The following OGDH variants were observed in gnomAD, a reference collection of about 807,000 sequenced individuals.
The protein encoded by OGDH is oxoglutarate dehydrogenase.
In OGDH, 38 loss-of-function variants were observed where a neutral mutation model predicts 116.6. The ratio of observed to expected loss-of-function variants is 0.33; its 90% CI spans 0.25 to 0.43. The LOEUF is 0.43. Ranked by LOEUF, OGDH falls within the 20% of genes least tolerant of loss-of-function variation. OGDH has a pLI of 1.00. For missense variants in OGDH, 825 were observed against 1,357.2 expected (o/e 0.61, Z 6.16); for synonymous variants, 488 against 533.3 (o/e 0.92, Z 1.17).
chr7:44,680,398 C>CA (rs1787878074), intron 9 of OGDH, among the ~76,000 whole-genome samples: 1 of 151,958 alleles, frequency 6.6e-6, no homozygotes, highest in South Asian at 2.1e-4. Flanking sequence ...GGACACTGAG[C>CA]AAATGAGTAA....
At chr7:44,693,174 G>GACACA (rs1788434715) in intron 10 of OGDH, among the ~76,000 whole-genome samples, 1 of 152,166 alleles carries the variant, frequency 6.6e-6, no homozygotes, top group African/African-American at 2.4e-5. Flanking sequence ...CAGGCATGGT[G>GACACA]GTGCGTGCCT....
In OGDH at chr7:44,678,828, T is replaced by C. The variant is rs574524125; in HGVS notation, c.1206+2679T>C. 7.9e-5 allele frequency among the ~76,000 whole-genome samples: 12 copies of C among 152,214 alleles called. No individual in the cohort carries two copies. The East Asian group carries it at 2.3e-3, about 29-fold the overall frequency. On this transcript the variant is annotated intron_variant, in intron 9 of 22. Transcript: ENST00000222673. ...AATCCAGAAACTCAGGGAGCTGGAG[T>C]GTGTGTTATGTAACTCTCAGCATTT...
Position 44,694,564 on chromosome 7 carries a change from G to A in OGDH, c.1656G>A (p.Gln552=), listed in dbSNP as rs776853692. Residue 552 remains glutamine, a synonymous_variant, in exon 12 of 23, where the codon CAG becomes CAA. Transcript: ENST00000222673. The surrounding 1 kb of genome is among the most constrained non-coding windows in gnomAD (Gnocchi z 4.2). ...TGGTGTCGCAGGGTGTGGTCAACCA[G>A]CCTGAGTATGAGGTACGTCCCTGCG... The part of the protein sequence containing the change: ...ELLVSQGVVN[Q]PEYEEEISKY... The A allele has an allele frequency of 6.2e-7, 1 of 1,614,160 alleles. No individual in the cohort carries two copies. The highest frequency in any genetic ancestry group is 1.1e-5 in the South Asian group (1 of 91,084).
chr7:44,662,459 C>G (rs971269767), intron 4 of OGDH, among the ~76,000 whole-genome samples: 4 of 143,184 alleles, frequency 2.8e-5, no homozygotes, highest in Non-Finnish European at 6.0e-5. Flanking sequence ...CTTTTCTTTT[C>G]TTTTCTTTTT....
chr7:44,649,600 G>T (rs1044735026), intron 4 of OGDH, among the ~76,000 whole-genome samples: 1 of 152,094 alleles, frequency 6.6e-6, no homozygotes, highest in Non-Finnish European at 1.5e-5. Context: ...TCCAGAACCT[G>T]CATTGTCCCA....
At chr7:44,612,104 T>TG (rs1164574290) in intron 1 of OGDH, among the ~76,000 whole-genome samples, 1 of 152,142 alleles carries the variant, frequency 6.6e-6, no homozygotes, top group African/African-American at 2.4e-5. Context: ...TTGGTTTTTG[T>TG]GGGGGGTTTT....
chr7:44,606,897 G>T lies in OGDH; in HGVS notation c.-28+244G>T, dbSNP rs555674021. On this transcript the variant is annotated intron_variant, in intron 1 of 22. Coordinates refer to ENST00000222673, the MANE Select transcript of OGDH (RefSeq NM_002541.4). ...CCTGCCCGGCGGGCGGAGATTGGCG[G>T]GTACGGGCGGGCTCCGAGGTCGCGC... 9.2e-5 allele frequency among the ~76,000 whole-genome samples: 14 copies of T among 152,182 alleles called. No homozygotes were observed. In the South Asian group the frequency reaches 2.7e-3, roughly 29 times the overall value.
In OGDH at chr7:44,698,258, C is replaced by T. The variant is rs763881613; in HGVS notation, c.2425C>T (p.Leu809=). The change falls in exon 18 of 23, where the codon CTG becomes TTG. Residue 809 remains leucine, a synonymous_variant. Coordinates refer to ENST00000222673, the MANE Select transcript of OGDH (RefSeq NM_002541.4). ...LQMCNDDPDV[L]PDLKEANFDI... The stretch of plus-strand genomic sequence containing the variant: ...GATGTGCAACGATGACCCAGATGTC[C>T]TGCCAGTGAGTAATACAGGCCCTGT... The T allele has an allele frequency of 6.2e-7, 1 of 1,614,054 alleles. No individual in the cohort carries two copies. The highest frequency in any genetic ancestry group is 1.1e-5 in the South Asian group (1 of 91,074).
At chr7:44,686,034 T>C (rs1052681256) in intron 10 of OGDH, among the ~76,000 whole-genome samples, 1 of 151,848 alleles carries the variant, frequency 6.6e-6, no homozygotes, top group African/African-American at 2.4e-5. Flanking sequence ...TTAGTTCTAA[T>C]TTTCTTTCTT....
rs1403265485 is a variant in OGDH, at chr7:44,696,904, GTC to G, written c.1901-6_1901-5del. The G allele has an allele frequency of 6.2e-7, 1 of 1,600,940 alleles. No individual in the cohort carries two copies. The highest frequency in any genetic ancestry group is 8.5e-7 in the Non-Finnish European group (1 of 1,172,232). ...GCCTGCAGCAGCTGGTGAGAGCTGT[GTC>G]TCTGCAGGGCTGAGCCGGATCTTGA... On this transcript the variant is annotated splice_polypyrimidine_tract_variant and splice_region_variant and intron_variant, in intron 14 of 22. Coordinates refer to ENST00000222673, the MANE Select transcript of OGDH (RefSeq NM_002541.4).
At chr7:44,660,431 A>G (rs1363424190) in intron 4 of OGDH, among the ~76,000 whole-genome samples, 1 of 151,934 alleles carries the variant, frequency 6.6e-6, no homozygotes, top group African/African-American at 2.4e-5. Context: ...AAGTGTTTGG[A>G]GATTTCTTGT....
At chr7:44,638,747 C>T (rs1785787646) in intron 2 of OGDH, among the ~76,000 whole-genome samples, 1 of 152,238 alleles carries the variant, frequency 6.6e-6, no homozygotes, top group Non-Finnish European at 1.5e-5. Context: ...CCACCAGGTG[C>T]CACCTTTCAG....
intron 1 of OGDH, among the ~76,000 whole-genome samples, chr7:44,615,799 G>T (rs1399763083): frequency 6.6e-6 from 1 of 152,120 alleles, no homozygotes; most frequent in Non-Finnish European, 1.5e-5. Context: ...AGCACTTTGG[G>T]AGTCTGACAC....
chr7:44,615,898 C>T (rs112636553), intron 1 of OGDH, among the ~76,000 whole-genome samples: 222 of 152,050 alleles, frequency 1.5e-3, no homozygotes, highest in African/African-American at 4.5e-3. Context: ...TGGTGATGTG[C>T]GCCTGTAGTA....
chr7:44,676,854 G>A (rs1048267330), intron 9 of OGDH, among the ~76,000 whole-genome samples: 1 of 152,120 alleles, frequency 6.6e-6, no homozygotes, highest in Non-Finnish European at 1.5e-5. Flanking sequence ...AAAAGTGTAG[G>A]TGAGCCTGAA....
In OGDH at chr7:44,673,802, C is replaced by T; in HGVS notation, c.649C>T (p.His217Tyr). The change falls in exon 6 of 23, where the codon CAT (histidine) becomes TAT (tyrosine). Residue 217 changes from histidine (H) to tyrosine (Y), a missense_variant. His to Tyr is a moderately conservative substitution (Grantham distance 83). This residue lies in a region of OGDH where 171 missense variants were observed against 276.8 expected (regional missense o/e 0.62). Transcript: ENST00000222673. ...IRRLEMAYCQ[H>Y]IGVEFMFIND... ...TATGGAATAGATGGCCTACTGCCAG[C>T]ATATTGGGGTGGAGTTCATGTTCAT... is the stretch of plus-strand genomic sequence containing the variant. The T allele has an allele frequency of 6.2e-7, 1 of 1,614,188 alleles. No homozygotes were observed. Among genetic ancestry groups the T allele is most frequent in the Non-Finnish European group, 8.5e-7 (1 of 1,180,018 alleles).
At position 44,624,401 on chromosome 7, in the gene OGDH, G is replaced by A. The variant is rs371685303; in HGVS notation, c.58G>A (p.Val20Ile). The A allele has an allele frequency of 1.0e-5, 16 of 1,604,366 alleles. No individual in the cohort carries two copies. The highest frequency in any genetic ancestry group is 1.2e-5 in the Non-Finnish European group (14 of 1,178,104). ...KLRPLTASQT[V>I]KTFSQNRPAA... is the part of the protein sequence containing the mutation. ...GAGGCCATTGACGGCTTCCCAGACTGTTAAGACATTTTCACAAAACAGACC... is the reference window on the plus strand; with the variant it reads ...GAGGCCATTGACGGCTTCCCAGACTATTAAGACATTTTCACAAAACAGACC... Residue 20 changes from valine to isoleucine, a missense_variant, in exon 2 of 23, where the codon GTT becomes ATT. Transcript: ENST00000222673.
rs1287453382 is a variant in OGDH at position 44,655,608 on chromosome 7, A to G, written c.517+7849A>G. Among the ~76,000 whole-genome samples the G allele has an allele frequency of 2.0e-5, 3 of 152,202 alleles. No homozygotes were observed. In the East Asian group the frequency reaches 5.8e-4, roughly 29 times the overall value. On this transcript the variant is annotated intron_variant, in intron 4 of 22. Transcript: ENST00000222673. ...CCTGACCCCATCCCCCAGGCCCACA[A>G]GCCCAGACAGTAAGGGTCAGGAGCA...
chr7:44,626,970 G>T (rs1785231797), intron 2 of OGDH, among the ~76,000 whole-genome samples: 2 of 152,098 alleles, frequency 1.3e-5, no homozygotes, highest in African/African-American at 2.4e-5. Context: ...TATGTGGTGT[G>T]TGCATGTTTT....
Sources: allele counts gnomAD v4.1 joint callset (sites outside exome capture counted in the v4.1 genomes callset), GRCh38; gene constraint gnomAD v4.1.1; regional missense constraint gnomAD v4.1.1; non-coding constraint Gnocchi (gnomAD v3.1); transcripts MANE v1.5; gene names NCBI Gene and HGNC (gene_info 2026-07-23, HGNC 2026-07-21).